Variants in KIAA1328 observed in about 807,000 individuals in gnomAD.
KIAA1328 encodes the protein protein hinderin.
In KIAA1328, 52 loss-of-function variants were observed where a neutral mutation model predicts 68.1. That is an observed-to-expected ratio of 0.76 (90% confidence interval 0.61 to 0.96). The LOEUF (loss-of-function observed/expected upper bound fraction) is 0.96, where lower values mean the gene tolerates loss of function less well. Among genes scored for constraint, KIAA1328 ranks in the 40% least tolerant of loss-of-function variants. The pLI is 0.00. For synonymous variants in KIAA1328, 232 were observed against 239.4 expected (o/e 0.97, Z 0.28); for missense variants, 641 against 677.6 (o/e 0.95, Z 0.60).
chr18:37,172,613 T>C (rs1031048746), intron 8 of KIAA1328, among the ~76,000 whole-genome samples: 1 of 152,200 alleles, frequency 6.6e-6, no homozygotes, highest in African/African-American at 2.4e-5. Flanking sequence ...GGTTTAGAGT[T>C]ACAAAGTGCT....
chr18:37,152,272 G>A (rs1387423155), intron 7 of KIAA1328, among the ~76,000 whole-genome samples: 3 of 151,966 alleles, frequency 2.0e-5, no homozygotes, highest in African/African-American at 7.3e-5. Flanking sequence ...GAAAAGTAAC[G>A]AGACAAAGGT....
chr18:37,070,258 T>A (rs897884048), intron 7 of KIAA1328, among the ~76,000 whole-genome samples: 1 of 152,184 alleles, frequency 6.6e-6, no homozygotes, highest in Non-Finnish European at 1.5e-5. Context: ...TCTTGATATA[T>A]GTTCCATGAT....
chr18:37,180,251 G>A (rs2059674371), intron 9 of KIAA1328, among the ~76,000 whole-genome samples: 1 of 152,124 alleles, frequency 6.6e-6, no homozygotes, highest in African/African-American at 2.4e-5. Context: ...GTAAGGTGAG[G>A]TAAGTAGTAG....
intron 5 of KIAA1328, among the ~76,000 whole-genome samples, chr18:36,946,951 C>T (rs543277789): frequency 3.3e-5 from 5 of 152,228 alleles, no homozygotes; most frequent in African/African-American, 1.2e-4. Flanking sequence ...CACTTGATGT[C>T]ACTGGATTGC....
At chr18:36,936,360 G>A (rs564214582) in intron 5 of KIAA1328, among the ~76,000 whole-genome samples, 1 of 152,250 alleles carries the variant, frequency 6.6e-6, no homozygotes, top group African/African-American at 2.4e-5. Context: ...CCACTTATGA[G>A]TGAGAACATG....
chr18:36,851,370 C>T (rs1009205883), intron 4 of KIAA1328, among the ~76,000 whole-genome samples: 3 of 151,950 alleles, frequency 2.0e-5, no homozygotes, highest in African/African-American at 7.2e-5. Flanking sequence ...TGGAAGTGTT[C>T]GAGATGGATT....
chr18:37,215,212 A>C (rs867347257), intron 9 of KIAA1328, among the ~76,000 whole-genome samples: 1 of 152,214 alleles, frequency 6.6e-6, no homozygotes, highest in South Asian at 2.1e-4. Flanking sequence ...GAGAGAGGGC[A>C]TCCCTGTCTT....
chr18:36,937,056 C>T lies in KIAA1328; in HGVS notation c.449-22252C>T, dbSNP rs573789176. 3.1e-4 allele frequency among the ~76,000 whole-genome samples: 47 copies of T among 152,260 alleles called. 1 individual carries two copies. In the South Asian group the frequency reaches 9.5e-3, roughly 31 times the overall value. On this transcript the variant is annotated intron_variant, in intron 5 of 9. Coordinates refer to ENST00000280020, the MANE Select transcript of KIAA1328 (RefSeq NM_020776.3). ...AACAGAAACCTCAGAAATAACACCA[C>T]ACATCTACAACCATCTGATCTTCAA... is the stretch of plus-strand genomic sequence containing the variant.
intron 6 of KIAA1328, among the ~76,000 whole-genome samples, chr18:37,035,378 T>C (rs1243587617): frequency 6.6e-6 from 1 of 152,212 alleles, no homozygotes; most frequent in African/African-American, 2.4e-5. Flanking sequence ...AGCCCAGATA[T>C]ATGCATTTTA....
At chr18:36,962,535 A>T (rs1360675115) in intron 6 of KIAA1328, among the ~76,000 whole-genome samples, 2 of 152,170 alleles carry the variant, frequency 1.3e-5, no homozygotes, top group Non-Finnish European at 2.9e-5. Context: ...TCAGCACCAC[A>T]TCATGCTTAT....
chr18:37,097,355 G>C (rs541205302), intron 7 of KIAA1328, among the ~76,000 whole-genome samples: 69 of 152,128 alleles, frequency 4.5e-4, no homozygotes, highest in African/African-American at 1.5e-3. Context: ...TCTTGTTTTT[G>C]TCAGGTTTGT....
intron 5 of KIAA1328, among the ~76,000 whole-genome samples, chr18:36,927,703 A>T (rs975983950): frequency 1.3e-5 from 2 of 152,110 alleles, no homozygotes; most frequent in African/African-American, 4.8e-5. Flanking sequence ...CCATGAGCTG[A>T]GTTGTGATCA....
intron 7 of KIAA1328, among the ~76,000 whole-genome samples, chr18:37,085,223 G>A (rs2057066909): frequency 6.6e-6 from 1 of 152,138 alleles, no homozygotes; most frequent in African/African-American, 2.4e-5. Flanking sequence ...CTGGGACCGG[G>A]ATGGGCTGCC....
chr18:36,936,063 TTATC>T (rs766257599), intron 5 of KIAA1328, among the ~76,000 whole-genome samples: 28 of 152,328 alleles, frequency 1.8e-4, no homozygotes, highest in Non-Finnish European at 3.5e-4. Context: ...TAAAAAATGT[TTATC>T]TAATTAATCA....
intron 6 of KIAA1328, among the ~76,000 whole-genome samples, chr18:36,975,433 C>T (rs1469130105): frequency 2.6e-5 from 4 of 152,238 alleles, no homozygotes; most frequent in East Asian, 3.9e-4. Context: ...CCGCCCGCCT[C>T]GGCCTCCCAA....
intron 6 of KIAA1328, among the ~76,000 whole-genome samples, chr18:36,995,372 G>T (rs1482684808): frequency 6.6e-6 from 1 of 152,212 alleles, no homozygotes; most frequent in South Asian, 2.1e-4. Context: ...GGACATTTGG[G>T]TTGGCTCCAA....
Position 37,225,042 on chromosome 18 carries a change from C to G in KIAA1328, c.*2815C>G. The G allele has an allele frequency of 1.0e-6, 1 of 985,390 alleles. No homozygotes were observed. Among genetic ancestry groups the G allele is most frequent in the Non-Finnish European group, 1.2e-6 (1 of 829,932 alleles). The allele number at this position is 985,390 out of a possible 1,614,324, so 61.0% of individuals were successfully genotyped here. A position where few individuals can be genotyped will look rare whatever the true frequency, so the allele number is the denominator to read the frequency against. On this transcript the variant is annotated 3_prime_UTR_variant, in exon 10 of 10. Coordinates refer to ENST00000280020, the MANE Select transcript of KIAA1328 (RefSeq NM_020776.3). ...ATGATGGGGACTTTTCTAGAGCACC[C>G]CAAATGTCATGGGGAGAGAGGGACT... is the stretch of plus-strand genomic sequence containing the variant.
chr18:36,892,037 G>C (rs1175191852), intron 5 of KIAA1328, among the ~76,000 whole-genome samples: 1 of 152,152 alleles, frequency 6.6e-6, no homozygotes, highest in Non-Finnish European at 1.5e-5. Flanking sequence ...GCAAATAACA[G>C]TAATACGCTG....
chr18:36,973,571 G>A (rs1466938068), intron 6 of KIAA1328, among the ~76,000 whole-genome samples: 1 of 152,036 alleles, frequency 6.6e-6, no homozygotes, highest in African/African-American at 2.4e-5. Flanking sequence ...TAATGTGAGA[G>A]AAGGCATCGT....
Sources: gnomAD v4.1 joint callset for allele counts (sites outside exome capture counted in the v4.1 genomes callset) on GRCh38, gnomAD v4.1.1 for gene constraint, MANE v1.5 for transcripts, NCBI Gene and HGNC (gene_info 2026-07-23, HGNC 2026-07-21) for gene names.